Variants in DPP6 observed in about 807,000 individuals in gnomAD.
The protein encoded by DPP6 is dipeptidyl peptidase like 6.
Under a neutral mutation model 122.6 loss-of-function variants are expected in DPP6, and 69 were observed. The observed-to-expected ratio is 0.56, with a 90% CI of 0.46 to 0.69. The LOEUF is 0.69. Ranked by LOEUF, DPP6 falls within the 30% of genes least tolerant of loss-of-function variation. The probability of loss-of-function intolerance (pLI) is 0.00; values close to 1 mark genes in which losing one functional copy is unlikely to be tolerated. For synonymous variants in DPP6, 418 were observed against 433.1 expected (o/e 0.97, Z 0.43); for missense variants, 928 against 1,116.9 (o/e 0.83, Z 2.41).
At chr7:154,428,962 C>T (rs115083238) in intron 1 of DPP6, among the ~76,000 whole-genome samples, 1,876 of 152,086 alleles carry the variant, frequency 0.012, 16 homozygotes, top group Non-Finnish European at 0.021. Context: ...GCTTCATCCA[C>T]GTAACCAAAA....
intron 1 of DPP6, among the ~76,000 whole-genome samples, chr7:153,942,879 G>A (rs1186597630): frequency 6.6e-6 from 1 of 152,212 alleles, no homozygotes; most frequent in Non-Finnish European, 1.5e-5. Flanking sequence ...AGCAATCACA[G>A]TGAGTGTGGT....
rs575751375 is a variant in DPP6, at chr7:154,063,131, C to T, written c.243+10068C>T. ...CCCCATCGCAGGGGGGGAGGCACCC[C>T]CCACGAGAGTGGGGACTGAGAGCTA... On this transcript the variant is annotated intron_variant, in intron 1 of 25. Coordinates refer to ENST00000377770, the MANE Select transcript of DPP6 (RefSeq NM_130797.4). Among the ~76,000 whole-genome samples the T allele has an allele frequency of 1.2e-3, 152 of 131,012 alleles. 14 individuals carry two copies. Among genetic ancestry groups the T allele is most frequent in the Non-Finnish European group, 1.8e-3 (105 of 59,712 alleles). The allele number at this position is 131,012 out of a possible 152,430, so 85.9% of individuals were successfully genotyped here.
chr7:154,297,421 C>T (rs1257117394), intron 1 of DPP6, among the ~76,000 whole-genome samples: 1 of 152,142 alleles, frequency 6.6e-6, no homozygotes, highest in African/African-American at 2.4e-5. Flanking sequence ...GTTTTCCTAC[C>T]CTTGTTTAGA....
rs183988207 is a variant in DPP6 at position 154,618,872 on chromosome 7, C to T, written c.628-18949C>T. Among the ~76,000 whole-genome samples the T allele has an allele frequency of 3.9e-5, 6 of 152,274 alleles. No homozygotes were observed. The highest frequency in any genetic ancestry group is 7.2e-5 in the African/African-American group (3 of 41,542). ...ACACTGATATGGTTTAGCTGTGTCC[C>T]CACCCAAATCTCATCTTGAATTGTA... On this transcript the variant is annotated intron_variant, in intron 5 of 25. Coordinates refer to ENST00000377770, the MANE Select transcript of DPP6 (RefSeq NM_130797.4). This position sits in a 1 kb window ranked among gnomAD's most constrained non-coding sequence, Gnocchi z 4.1.
At chr7:153,872,090 G>T in the DPP6 span, among the ~76,000 whole-genome samples, 17 of 152,210 alleles carry the variant, frequency 1.1e-4, 1 homozygote, top group Admixed American at 9.8e-4. Context: ...CATTCTCTTT[G>T]TAATGGATCC....
intron 1 of DPP6, among the ~76,000 whole-genome samples, chr7:154,192,872 C>A (rs1277607627): frequency 6.6e-6 from 1 of 152,168 alleles, no homozygotes; most frequent in East Asian, 1.9e-4. Flanking sequence ...AGAGAAGACC[C>A]CAGGCCAGGT....
chr7:154,776,641 A>G (rs897246805), intron 10 of DPP6, among the ~76,000 whole-genome samples: 3 of 152,088 alleles, frequency 2.0e-5, no homozygotes, highest in African/African-American at 7.2e-5. Context: ...GGCTGGATGG[A>G]TGTATTGACT....
intron 7 of DPP6, among the ~76,000 whole-genome samples, chr7:154,671,868 A>ACACACATGTG (rs1554431537): frequency 2.7e-5 from 4 of 150,486 alleles, no homozygotes; most frequent in Admixed American, 6.6e-5. Context: ...ACACATGCAC[A>ACACACATGTG]CACACACACA....
chr7:154,196,107 T>C (rs560519727), intron 1 of DPP6, among the ~76,000 whole-genome samples: 1 of 152,366 alleles, frequency 6.6e-6, no homozygotes, highest in African/African-American at 2.4e-5. Context: ...CTCCTCTCTG[T>C]TCTGTGTTTC....
intron 19 of DPP6, among the ~76,000 whole-genome samples, chr7:154,874,606 C>T (rs937256176): frequency 5.9e-5 from 9 of 152,246 alleles, no homozygotes; most frequent in East Asian, 1.9e-4. Flanking sequence ...ATGCAGCACT[C>T]GAGCGCGCCG....
chr7:154,074,165 C>T (rs55651044), intron 1 of DPP6, among the ~76,000 whole-genome samples: 1 of 39,070 alleles, frequency 2.6e-5, no homozygotes, highest in African/African-American at 1.0e-4. Context: ...AGATATGTAG[C>T]TATATATAGA....
intron 1 of DPP6, among the ~76,000 whole-genome samples, chr7:154,198,931 G>C (rs905654975): frequency 3.9e-5 from 6 of 151,942 alleles, no homozygotes; most frequent in Non-Finnish European, 8.8e-5. Context: ...GGCTTTCCCT[G>C]CTATAGCCCA....
the DPP6 span, among the ~76,000 whole-genome samples, chr7:153,794,542 ACTTGT>A: frequency 1.3e-5 from 2 of 152,048 alleles, no homozygotes; most frequent in African/African-American, 4.8e-5. Flanking sequence ...GGCGGTAGGG[ACTTGT>A]CTTGTCTCAG....
intron 1 of DPP6, among the ~76,000 whole-genome samples, chr7:154,428,319 T>TTAGCA (rs2151246729): frequency 6.6e-6 from 1 of 152,350 alleles, no homozygotes; most frequent in East Asian, 1.9e-4. Context: ...GTCTTCTTTT[T>TTAGCA]TAGCATAATA....
intron 10 of DPP6, among the ~76,000 whole-genome samples, chr7:154,779,493 C>A (rs1796899864): frequency 6.6e-6 from 1 of 152,184 alleles, no homozygotes; most frequent in South Asian, 2.1e-4. Flanking sequence ...AATGACCTGA[C>A]TTGCCTATGG....
intron 1 of DPP6, among the ~76,000 whole-genome samples, chr7:154,334,677 C>G (rs2151045781): frequency 6.6e-6 from 1 of 152,298 alleles, no homozygotes; most frequent in East Asian, 1.9e-4. Flanking sequence ...TGGCAGATCA[C>G]TTGAGGTCAG....
chr7:154,389,100 A>G (rs1814383206), intron 1 of DPP6, among the ~76,000 whole-genome samples: 1 of 152,208 alleles, frequency 6.6e-6, no homozygotes, highest in Non-Finnish European at 1.5e-5. Context: ...CAGTCTCCAG[A>G]AAGTTCACGG....
At chr7:153,868,539 T>C in the DPP6 span, among the ~76,000 whole-genome samples, 28 of 152,312 alleles carry the variant, frequency 1.8e-4, no homozygotes, top group African/African-American at 6.0e-4. Flanking sequence ...GATTCTTCTC[T>C]CTTTTCTTCT....
intron 1 of DPP6, among the ~76,000 whole-genome samples, chr7:154,306,352 TC>T (rs1444877367): frequency 2.0e-5 from 3 of 152,226 alleles, no homozygotes; most frequent in Admixed American, 6.5e-5. Context: ...TCTTGAGGGT[TC>T]TTGTCTTTTA....
Sources: gnomAD v4.1 joint callset for allele counts (sites outside exome capture counted in the v4.1 genomes callset) on GRCh38, gnomAD v4.1.1 for gene constraint, Gnocchi (gnomAD v3.1) non-coding constraint, MANE v1.5 for transcripts, NCBI Gene and HGNC (gene_info 2026-07-23, HGNC 2026-07-21) for gene names.